KAZN: variants seen among roughly 807,000 people sequenced by gnomAD.
The protein encoded by KAZN is kazrin, periplakin interacting protein.
In KAZN, 40 loss-of-function variants were observed where a neutral mutation model predicts 87.4. The observed-to-expected ratio is 0.46, with a 90% CI of 0.36 to 0.60. KAZN has a LOEUF of 0.60. KAZN is among the 20% of genes least tolerant of loss of function. The pLI is 0.00. For synonymous variants in KAZN, 466 were observed against 458.3 expected (o/e 1.02, Z -0.22); for missense variants, 898 against 1,073.9 (o/e 0.84, Z 2.29).
At chr1:13,996,877 C>A (rs1346465798) in intron 1 of KAZN, among the ~76,000 whole-genome samples, 2 of 152,130 alleles carry the variant, frequency 1.3e-5, no homozygotes, top group African/African-American at 4.8e-5. Flanking sequence ...TTAAACAGGT[C>A]CTGTTCCCTC....
chr1:15,066,329 T>TC lies in KAZN; in HGVS notation c.1222+582dup. 1 of 984,410 alleles carries TC rather than the reference T, an allele frequency of 1.0e-6. No individual in the cohort carries two copies. Among genetic ancestry groups the TC allele is most frequent in the Non-Finnish European group, 1.2e-6 (1 of 829,252 alleles). The allele number at this position is 984,410 out of a possible 1,614,324, so 61.0% of individuals were successfully genotyped here. A position where few individuals can be genotyped will look rare whatever the true frequency, so the allele number is the denominator to read the frequency against. On this transcript the variant is annotated intron_variant, in intron 8 of 14. Coordinates refer to ENST00000376030, the MANE Select transcript of KAZN (RefSeq NM_201628.3). The surrounding 1 kb of genome is among the most constrained non-coding windows in gnomAD (Gnocchi z 4.3). ...CAGAGGATGTGGTCTGTTTTTGATGTCCCCCCTCCCGCCCCCCTGGTGTGA... is the reference window on the plus strand; with the variant it reads ...CAGAGGATGTGGTCTGTTTTTGATGTCCCCCCCTCCCGCCCCCCTGGTGTGA...
At chr1:14,883,365 A>G (rs867597509) in intron 1 of KAZN, among the ~76,000 whole-genome samples, 1,201 of 74,378 alleles carry the variant, frequency 0.016, 11 homozygotes, top group East Asian at 0.035. Flanking sequence ...AAAAGAAAGA[A>G]AGAAAGAAAG....
At chr1:14,128,906 C>T (rs1018819) in intron 1 of KAZN, among the ~76,000 whole-genome samples, 87,141 of 151,940 alleles carry the variant, frequency 0.57, 26,280 homozygotes, top group East Asian at 0.76. Flanking sequence ...CATAAAGCCC[C>T]GGTGCTAGAA....
intron 2 of KAZN, among the ~76,000 whole-genome samples, chr1:14,356,217 T>C (rs758937999): frequency 3.3e-5 from 5 of 151,992 alleles, no homozygotes; most frequent in Non-Finnish European, 5.9e-5. Flanking sequence ...GTTGGCCTCA[T>C]AAATGTCTTC....
chr1:14,353,837 AG>A (rs1226815201), intron 2 of KAZN, among the ~76,000 whole-genome samples: 1 of 152,220 alleles, frequency 6.6e-6, no homozygotes, highest in Non-Finnish European at 1.5e-5. Flanking sequence ...AGTATTATTA[AG>A]ATATCAATTC....
At position 14,923,905 on chromosome 1, in the gene KAZN, CCT is replaced by C. The variant is rs1192419656; in HGVS notation, c.227-36778_227-36777del. ...GGGCTCGAGTTCCGTCACAGCCACC[CCT>C]GTGACATCGGCCGTCTTTCTGACCC... On this transcript the variant is annotated intron_variant, in intron 1 of 14. Coordinates refer to ENST00000376030, the MANE Select transcript of KAZN (RefSeq NM_201628.3). This position sits in a 1 kb window ranked among gnomAD's most constrained non-coding sequence, Gnocchi z 4.2. Among the ~76,000 whole-genome samples, 6 of 152,148 alleles carry C rather than the reference CCT, an allele frequency of 3.9e-5. No individual in the cohort carries two copies. Among genetic ancestry groups the C allele is most frequent in the Admixed American group, 1.3e-4 (2 of 15,284 alleles).
chr1:15,059,618 G>A lies in KAZN; in HGVS notation c.917-554G>A, dbSNP rs528727809. On this transcript the variant is annotated intron_variant, in intron 5 of 14. Transcript: ENST00000376030. ...AGTGGGAGAGAAGCAGGCAGATTTG[G>A]GGCAATGTTTTGGAGCTGCTGCTGC... is the stretch of plus-strand genomic sequence containing the variant. 2.6e-5 allele frequency among the ~76,000 whole-genome samples: 4 copies of A among 152,114 alleles called. 1 individual carries two copies. Among genetic ancestry groups the A allele is most frequent in the South Asian group, 4.1e-4 (2 of 4,822 alleles).
intron 2 of KAZN, among the ~76,000 whole-genome samples, chr1:14,191,029 T>C (rs1324663899): frequency 6.6e-6 from 1 of 152,138 alleles, no homozygotes; most frequent in African/African-American, 2.4e-5. Flanking sequence ...AAAATAGATT[T>C]GGTGAGGTTT....
intron 1 of KAZN, among the ~76,000 whole-genome samples, chr1:14,914,719 T>C (rs897930398): frequency 6.6e-6 from 1 of 152,186 alleles, no homozygotes; most frequent in African/African-American, 2.4e-5. Flanking sequence ...AGAGAACAGG[T>C]TCTGGAGCCA....
intron 2 of KAZN, among the ~76,000 whole-genome samples, chr1:14,440,270 C>T (rs192609543): frequency 3.3e-5 from 5 of 152,296 alleles, no homozygotes; most frequent in Non-Finnish European, 5.9e-5. Flanking sequence ...ACGGAGACTG[C>T]CCGCAACTCC....
At chr1:15,054,511 GC>G (rs1296372594) in intron 4 of KAZN, among the ~76,000 whole-genome samples, 1 of 152,090 alleles carries the variant, frequency 6.6e-6, no homozygotes, top group African/African-American at 2.4e-5. Context: ...AATTAGCTGG[GC>G]ATGGTGGCAG....
At chr1:13,920,174 A>G (rs1044718448) in intron 1 of KAZN, among the ~76,000 whole-genome samples, 3 of 146,056 alleles carry the variant, frequency 2.1e-5, no homozygotes, top group Non-Finnish European at 3.0e-5. Flanking sequence ...CACTTGAACC[A>G]GGGAGGCGGA....
At chr1:13,989,551 A>G (rs974104016) in intron 1 of KAZN, among the ~76,000 whole-genome samples, 11 of 152,042 alleles carry the variant, frequency 7.2e-5, no homozygotes, top group Non-Finnish European at 1.6e-4. Context: ...GGGTTGGGTT[A>G]TAAAGTCAAA....
chr1:14,555,015 T>C (rs1330617217), intron 2 of KAZN, among the ~76,000 whole-genome samples: 1 of 152,210 alleles, frequency 6.6e-6, no homozygotes, highest in African/African-American at 2.4e-5. Context: ...AACAAGTTAA[T>C]GGTTACAGTT....
chr1:14,257,627 C>T (rs1650621222), intron 2 of KAZN, among the ~76,000 whole-genome samples: 1 of 148,178 alleles, frequency 6.7e-6, no homozygotes, highest in Non-Finnish European at 1.5e-5. Context: ...ATCTTTAATC[C>T]ATCTTGAATT....
chr1:14,765,613 G>A (rs945622703), intron 1 of KAZN, among the ~76,000 whole-genome samples: 1 of 152,232 alleles, frequency 6.6e-6, no homozygotes, highest in Non-Finnish European at 1.5e-5. Flanking sequence ...AGACAGGGAT[G>A]TGGGGCTGGT....
At chr1:14,859,567 T>A (rs1182834152) in intron 1 of KAZN, among the ~76,000 whole-genome samples, 1 of 152,194 alleles carries the variant, frequency 6.6e-6, no homozygotes, top group Non-Finnish European at 1.5e-5. Context: ...CACTGCTTAA[T>A]TTAACCCTGA....
intron 2 of KAZN, among the ~76,000 whole-genome samples, chr1:14,227,103 C>T (rs982973989): frequency 1.3e-5 from 2 of 149,972 alleles, no homozygotes; most frequent in Non-Finnish European, 3.0e-5. Flanking sequence ...AATGAAGTAG[C>T]CACAGATTTA....
At chr1:14,298,448 T>C (rs967314464) in intron 2 of KAZN, among the ~76,000 whole-genome samples, 11 of 152,246 alleles carry the variant, frequency 7.2e-5, no homozygotes, top group African/African-American at 1.7e-4. Context: ...ATTTGACTTA[T>C]GTTGAACACA....
Sources: gnomAD v4.1 joint callset for allele counts (sites outside exome capture counted in the v4.1 genomes callset) on GRCh38, gnomAD v4.1.1 for gene constraint, Gnocchi (gnomAD v3.1) non-coding constraint, MANE v1.5 for transcripts, NCBI Gene and HGNC (gene_info 2026-07-23, HGNC 2026-07-21) for gene names.